GRIN2A: variants seen among roughly 807,000 people sequenced by gnomAD.
GRIN2A encodes the protein glutamate receptor ionotropic, NMDA 2A.
A neutral mutation model predicts 113.4 loss-of-function variants in GRIN2A; 22 were observed. The observed-to-expected ratio is 0.19, with a 90% CI of 0.14 to 0.28. The LOEUF (loss-of-function observed/expected upper bound fraction) is 0.28, where lower values mean the gene tolerates loss of function less well. Among genes scored for constraint, GRIN2A ranks in the 10% least tolerant of loss-of-function variants. The pLI is 1.00. For missense variants in GRIN2A, 1,502 were observed against 1,887.0 expected, an observed-to-expected ratio of 0.80 and a Z score of 3.78; for synonymous variants, 827 against 738.4, an observed-to-expected ratio of 1.12 and a Z score of -1.94.
chr16:9,941,915 G>A (rs1476941548), intron 2 of GRIN2A, among the ~76,000 whole-genome samples: 1 of 152,092 alleles, frequency 6.6e-6, no homozygotes, highest in African/African-American at 2.4e-5. Flanking sequence ...ATTTTTCCAG[G>A]TTCGTACAGG....
At chr16:9,895,869 T>C (rs2043795398) in intron 3 of GRIN2A, among the ~76,000 whole-genome samples, 1 of 152,204 alleles carries the variant, frequency 6.6e-6, no homozygotes, top group Non-Finnish European at 1.5e-5. Context: ...TGAGTCTACC[T>C]AGCGCCCCAA....
chr16:9,884,928 G>A (rs972636034), intron 4 of GRIN2A, among the ~76,000 whole-genome samples: 6 of 151,178 alleles, frequency 4.0e-5, no homozygotes, highest in Non-Finnish European at 7.4e-5. Context: ...TAGTAGAGAC[G>A]GGGTTTCATC....
rs538421274 is a variant in GRIN2A, at chr16:10,053,202, C to T, written c.415-114651G>A. Among the ~76,000 whole-genome samples the T allele has an allele frequency of 2.3e-4, 35 of 152,196 alleles. 1 individual carries two copies. The South Asian group carries it at 7.0e-3, about 31-fold the overall frequency. ...CAGAAAGCTTTTAACTGAAACTTTCCAAATTCAGCAAGAAAATCAAATGAC... is the reference window on the plus strand; with the variant it reads ...CAGAAAGCTTTTAACTGAAACTTTCTAAATTCAGCAAGAAAATCAAATGAC... On this transcript the variant is annotated intron_variant, in intron 2 of 12. Coordinates refer to ENST00000330684, the MANE Select transcript of GRIN2A (RefSeq NM_001134407.3).
At chr16:9,833,595 C>G (rs1035754840) in intron 8 of GRIN2A, among the ~76,000 whole-genome samples, 1 of 152,120 alleles carries the variant, frequency 6.6e-6, no homozygotes, top group Non-Finnish European at 1.5e-5. Context: ...CAGGTTATGA[C>G]AAGATTAAAA....
At chr16:9,928,072 C>T (rs1410893778) in intron 3 of GRIN2A, among the ~76,000 whole-genome samples, 2 of 152,214 alleles carry the variant, frequency 1.3e-5, no homozygotes, top group Non-Finnish European at 2.9e-5. Context: ...CCCATGCCCA[C>T]GCAGAACACA....
intron 11 of GRIN2A, among the ~76,000 whole-genome samples, chr16:9,785,701 TAGATAA>T (rs1451779313): frequency 1.3e-5 from 2 of 151,962 alleles, no homozygotes; most frequent in Non-Finnish European, 2.9e-5. Flanking sequence ...TTTAGAACAC[TAGATAA>T]AAAGTATAAG....
At chr16:9,875,815 G>C (rs2043353862) in intron 4 of GRIN2A, among the ~76,000 whole-genome samples, 1 of 152,156 alleles carries the variant, frequency 6.6e-6, no homozygotes, top group African/African-American at 2.4e-5. Context: ...TCCTAACTTA[G>C]GTCTTTCAGG....
intron 2 of GRIN2A, among the ~76,000 whole-genome samples, chr16:10,165,294 T>C (rs917083547): frequency 2.0e-5 from 3 of 151,488 alleles, no homozygotes; most frequent in Non-Finnish European, 4.4e-5. Flanking sequence ...TAGTGTGTAT[T>C]TGTAAATAAG....
chr16:10,002,634 T>A (rs982804017), intron 2 of GRIN2A, among the ~76,000 whole-genome samples: 7 of 151,682 alleles, frequency 4.6e-5, no homozygotes, highest in Non-Finnish European at 1.0e-4. Flanking sequence ...GTGTGTAGAG[T>A]GTGAGATGAG....
intron 2 of GRIN2A, among the ~76,000 whole-genome samples, chr16:10,029,298 G>T (rs1005821745): frequency 1.3e-5 from 2 of 152,052 alleles, no homozygotes; most frequent in Non-Finnish European, 2.9e-5. Context: ...AGGTTCAAGG[G>T]ATTCTCCTGC....
At chr16:10,158,067 C>T (rs1186630465) in intron 2 of GRIN2A, among the ~76,000 whole-genome samples, 2 of 152,040 alleles carry the variant, frequency 1.3e-5, no homozygotes, top group African/African-American at 4.8e-5. Context: ...TACAGTGGCC[C>T]AATCACAGCC....
chr16:9,872,803 G>T (rs553555459), intron 4 of GRIN2A, among the ~76,000 whole-genome samples: 1 of 152,064 alleles, frequency 6.6e-6, no homozygotes, highest in Non-Finnish European at 1.5e-5. Flanking sequence ...GGAGGGGTGG[G>T]GGAATCACCT....
At chr16:10,018,553 T>G (rs563631341) in intron 2 of GRIN2A, among the ~76,000 whole-genome samples, 7 of 152,198 alleles carry the variant, frequency 4.6e-5, no homozygotes, top group Admixed American at 3.9e-4. Context: ...TAGAGGCTAT[T>G]TCACGCTGTC....
At position 9,755,590 on chromosome 16, in the gene GRIN2A, A is replaced by T. The variant is rs1402038502; in HGVS notation, c.*7559T>A. 2.2e-5 allele frequency: 4 copies of T among 184,404 alleles called. No homozygotes were observed. The South Asian group carries it at 5.9e-4, about 27-fold the overall frequency. 11.4% of individuals were successfully genotyped at this position (184,404 alleles called of 1,614,324 possible). On this transcript the variant is annotated 3_prime_UTR_variant, in exon 13 of 13. Coordinates refer to ENST00000330684, the MANE Select transcript of GRIN2A (RefSeq NM_001134407.3). ...ATCCCCGCTAGTGTCCTCATCCATC[A>T]AATGGGCCTAATGCACCCCTCACCT...
intron 2 of GRIN2A, among the ~76,000 whole-genome samples, chr16:10,113,291 G>A (rs577804607): frequency 6.6e-6 from 1 of 151,992 alleles, no homozygotes; most frequent in Non-Finnish European, 1.5e-5. Context: ...GGCTCTTCCC[G>A]GGCCGCTGCC....
At chr16:9,936,838 G>GT in intron 3 of GRIN2A, among the ~76,000 whole-genome samples, 1 of 152,284 alleles carries the variant, frequency 6.6e-6, no homozygotes, top group Non-Finnish European at 1.5e-5. Flanking sequence ...TCCCCAAAGC[G>GT]TAACATGTTG....
At chr16:9,928,981 C>A (rs1426045214) in intron 3 of GRIN2A, among the ~76,000 whole-genome samples, 2 of 152,214 alleles carry the variant, frequency 1.3e-5, no homozygotes, top group Admixed American at 1.3e-4. Context: ...GTGCAGACGC[C>A]CACCAGGCAT....
rs2042545545 is a variant in GRIN2A, at chr16:9,834,085, G to A, written c.1777+20C>T. 1 of 1,610,376 alleles carries A rather than the reference G, an allele frequency of 6.2e-7. No homozygotes were observed. Among genetic ancestry groups the A allele is most frequent in the Non-Finnish European group, 8.5e-7 (1 of 1,176,612 alleles). On this transcript the variant is annotated intron_variant, in intron 8 of 12. Transcript: ENST00000330684. ...TGAAATTGCAACAACATTGAATCAT[G>A]CTCATGAAGGTACCCTTACCTTTCC...
chr16:10,089,158 G>T (rs2048138463), intron 2 of GRIN2A, among the ~76,000 whole-genome samples: 1 of 152,144 alleles, frequency 6.6e-6, no homozygotes. Flanking sequence ...GTTGTACTTT[G>T]TCAACTACTG....
Sources: allele counts gnomAD v4.1 joint callset (sites outside exome capture counted in the v4.1 genomes callset), GRCh38; gene constraint gnomAD v4.1.1; transcripts MANE v1.5; gene names NCBI Gene and HGNC (gene_info 2026-07-23, HGNC 2026-07-21).